The following HDAC9 variants were observed in gnomAD, a reference collection of about 807,000 sequenced individuals.
HDAC9 encodes the protein MEF-2 interacting transcription repressor (MITR) protein.
In HDAC9, 41 loss-of-function variants were observed where a neutral mutation model predicts 139.4. The observed-to-expected ratio is 0.29, with a 90% CI of 0.23 to 0.38. The LOEUF (loss-of-function observed/expected upper bound fraction) is 0.38. HDAC9 is among the 10% of genes least tolerant of loss of function. The pLI is 1.00. For synonymous variants in HDAC9, 517 were observed against 476.2 expected (o/e 1.09, Z -1.12); for missense variants, 1,147 against 1,297.0 (o/e 0.88, Z 1.78).
At chr7:18,560,998 C>A (rs1007768409) in intron 2 of HDAC9, among the ~76,000 whole-genome samples, 1 of 152,028 alleles carries the variant, frequency 6.6e-6, no homozygotes, top group Non-Finnish European at 1.5e-5. Context: ...AGGATACCAC[C>A]GATATTCTTA....
In HDAC9 at chr7:18,644,757, T is replaced by A; in HGVS notation, c.999T>A (p.Ile333=). The change falls in exon 9 of 26, where the codon ATT becomes ATA. Residue 333 remains isoleucine, a synonymous_variant. Transcript: ENST00000686413. ...SLYTSPSLPN[I]TLGLPAVPSQ... ...ATACCTCTCCTTCTTTGCCCAACAT[T>A]ACCTTGGGGCTTCCCGCAGTGCCAT... is the stretch of plus-strand genomic sequence containing the variant. 6.2e-7 allele frequency: 1 copy of A among 1,612,158 alleles called. No individual in the cohort carries two copies. Among genetic ancestry groups the A allele is most frequent in the Non-Finnish European group, 8.5e-7 (1 of 1,178,932 alleles).
chr7:18,923,097 T>G (rs1803904379), intron 22 of HDAC9, among the ~76,000 whole-genome samples: 1 of 152,100 alleles, frequency 6.6e-6, no homozygotes, highest in Non-Finnish European at 1.5e-5. Flanking sequence ...ATTAGGTAAT[T>G]TTGAACACCC....
intron 11 of HDAC9, among the ~76,000 whole-genome samples, chr7:18,654,600 A>C (rs981039838): frequency 6.6e-6 from 1 of 152,170 alleles, no homozygotes; most frequent in Non-Finnish European, 1.5e-5. Flanking sequence ...GCCTGTCCTT[A>C]ATCATTTGTG....
chr7:18,572,037 A>G (rs1824476435), intron 2 of HDAC9, among the ~76,000 whole-genome samples: 1 of 151,978 alleles, frequency 6.6e-6, no homozygotes, highest in Non-Finnish European at 1.5e-5. Flanking sequence ...TCCTGATAGA[A>G]GAGTGGGAAC....
intron 12 of HDAC9, among the ~76,000 whole-genome samples, chr7:18,686,284 T>C (rs1369558560): frequency 2.0e-5 from 3 of 152,006 alleles, no homozygotes; most frequent in Admixed American, 6.6e-5. Flanking sequence ...CTCCCTCCAA[T>C]TATTTTCATG....
chr7:18,552,789 G>A (rs1817569694), intron 2 of HDAC9, among the ~76,000 whole-genome samples: 1 of 152,198 alleles, frequency 6.6e-6, no homozygotes, highest in Non-Finnish European at 1.5e-5. Flanking sequence ...CAATTGTTCA[G>A]AGAGAAATTC....
intron 21 of HDAC9, among the ~76,000 whole-genome samples, chr7:18,861,590 G>C (rs1035238199): frequency 6.6e-6 from 1 of 152,088 alleles, no homozygotes; most frequent in African/African-American, 2.4e-5. Flanking sequence ...AAGAGATACT[G>C]TTGAGAAAAA....
chr7:18,218,174 T>C, intron 2 of HDAC9, among the ~76,000 whole-genome samples: 1 of 152,148 alleles, frequency 6.6e-6, no homozygotes, highest in East Asian at 1.9e-4. Flanking sequence ...CTGGGTGCAG[T>C]GACTTGTGCC....
Position 18,445,511 on chromosome 7 carries a change from T to C in HDAC9, c.-41-50751T>C, listed in dbSNP as rs114154947. On this transcript the variant is annotated intron_variant, in intron 1 of 3. Transcript: ENST00000413509. ...AAATATGTAGGGGCTGAGCGGCCTCTGTGATTGTTTCAGATTGCATCTTCC... is the reference window on the plus strand; with the variant it reads ...AAATATGTAGGGGCTGAGCGGCCTCCGTGATTGTTTCAGATTGCATCTTCC... 3.5e-3 allele frequency among the ~76,000 whole-genome samples: 533 copies of C among 152,346 alleles called. 5 individuals are homozygous for C. The highest frequency in any genetic ancestry group is 0.013 in the African/African-American group (520 of 41,578).
intron 1 of HDAC9, among the ~76,000 whole-genome samples, chr7:18,310,742 G>A (rs1799254185): frequency 1.3e-5 from 2 of 151,456 alleles, no homozygotes; most frequent in Admixed American, 6.6e-5. Context: ...TTAACTTACA[G>A]CTATAGAATC....
intron 1 of HDAC9, chr7:18,162,158 C>G (rs1787671743): frequency 3.2e-6 from 2 of 624,992 alleles, no homozygotes; most frequent in Non-Finnish European, 5.6e-6. Context: ...AAGGCCAGTT[C>G]TCTGTGTTTC....
At chr7:18,274,359 A>G (rs1796578882) in intron 2 of HDAC9, among the ~76,000 whole-genome samples, 1 of 152,194 alleles carries the variant, frequency 6.6e-6, no homozygotes, top group African/African-American at 2.4e-5. Context: ...ATGTGCATAG[A>G]TCACATGGTG....
chr7:18,303,228 T>C (rs1171119004), intron 1 of HDAC9, among the ~76,000 whole-genome samples: 3 of 152,084 alleles, frequency 2.0e-5, no homozygotes, highest in Admixed American at 6.5e-5. Context: ...TAAGACTCTT[T>C]TTTTTTTGAG....
chr7:18,505,461 A>G (rs982961809), intron 2 of HDAC9, among the ~76,000 whole-genome samples: 2 of 152,218 alleles, frequency 1.3e-5, no homozygotes, highest in Admixed American at 1.3e-4. Context: ...ATAAAGATCT[A>G]GCTAACATAA....
At chr7:18,291,288 G>A (rs1306436286) in intron 1 of HDAC9, among the ~76,000 whole-genome samples, 1 of 152,122 alleles carries the variant, frequency 6.6e-6, no homozygotes, top group Non-Finnish European at 1.5e-5. Flanking sequence ...GTGGGAGCAG[G>A]AGTAGAGGAT....
chr7:18,980,911 C>T (rs1254269376), intron 25 of HDAC9, among the ~76,000 whole-genome samples: 1 of 151,920 alleles, frequency 6.6e-6, no homozygotes, highest in African/African-American at 2.4e-5. Flanking sequence ...GCAACCTCCA[C>T]CTCCCGGGTT....
At position 18,767,859 on chromosome 7, in the gene HDAC9, G is replaced by A. The variant is rs115309359; in HGVS notation, c.2214+704G>A. Among the ~76,000 whole-genome samples the A allele has an allele frequency of 2.7e-3, 410 of 152,238 alleles. 2 individuals carry two copies. The highest frequency in any genetic ancestry group is 9.5e-3 in the African/African-American group (395 of 41,542). On this transcript the variant is annotated intron_variant, in intron 16 of 25. Coordinates refer to ENST00000686413, the MANE Select transcript of HDAC9 (RefSeq NM_178425.4). ...GTTATGTTAGAACAACATAATTCTAGGTGAAGTTTTCAAAGACTAAGGTAT... is the reference window on the plus strand; with the variant it reads ...GTTATGTTAGAACAACATAATTCTAAGTGAAGTTTTCAAAGACTAAGGTAT...
At chr7:18,906,724 A>G (rs770474660) in intron 22 of HDAC9, among the ~76,000 whole-genome samples, 17 of 152,202 alleles carry the variant, frequency 1.1e-4, no homozygotes, top group Non-Finnish European at 2.1e-4. Flanking sequence ...AATAGATTCA[A>G]CTAACCTGAG....
At chr7:18,266,578 G>A (rs1309194182) in intron 2 of HDAC9, among the ~76,000 whole-genome samples, 1 of 152,082 alleles carries the variant, frequency 6.6e-6, no homozygotes, top group African/African-American at 2.4e-5. Context: ...ATGCCCAACA[G>A]TTGACATTCA....
Sources: gnomAD v4.1 joint callset for allele counts (sites outside exome capture counted in the v4.1 genomes callset) on GRCh38, gnomAD v4.1.1 for gene constraint, MANE v1.5 for transcripts, NCBI Gene and HGNC (gene_info 2026-07-23, HGNC 2026-07-21) for gene names.